Variants in SHISA9 observed in about 807,000 individuals in gnomAD.
SHISA9 encodes protein shisa-9.
Under a neutral mutation model 38.0 loss-of-function variants are expected in SHISA9, and 13 were observed. That is an observed-to-expected ratio of 0.34 (90% confidence interval 0.22 to 0.54). The LOEUF (loss-of-function observed/expected upper bound fraction) is 0.54. Ranked by LOEUF, SHISA9 falls within the 20% of genes least tolerant of loss-of-function variation. SHISA9 has a pLI of 0.91. For synonymous variants in SHISA9, 275 were observed against 242.0 expected, an observed-to-expected ratio of 1.14 and a Z score of -1.27; for missense variants, 538 against 575.8, an observed-to-expected ratio of 0.93 and a Z score of 0.67.
intron 2 of SHISA9, among the ~76,000 whole-genome samples, chr16:13,121,513 C>G (rs528481771): frequency 6.6e-6 from 1 of 152,130 alleles, no homozygotes; most frequent in African/African-American, 2.4e-5. Flanking sequence ...TTATTTGTCT[C>G]TGCATTCTGT....
the SHISA9 span, among the ~76,000 whole-genome samples, chr16:13,414,275 G>T: frequency 6.6e-6 from 1 of 152,176 alleles, no homozygotes; most frequent in South Asian, 2.1e-4. Flanking sequence ...GAAAAGTCCT[G>T]TTGTGAAAGC....
At chr16:13,031,922 C>T (rs1244820900) in intron 2 of SHISA9, among the ~76,000 whole-genome samples, 1 of 152,156 alleles carries the variant, frequency 6.6e-6, no homozygotes, top group African/African-American at 2.4e-5. Context: ...AAAATACACA[C>T]ACCTCAAACA....
intron 2 of SHISA9, among the ~76,000 whole-genome samples, chr16:13,197,351 A>G (rs899289385): frequency 1.3e-5 from 2 of 152,096 alleles, no homozygotes; most frequent in African/African-American, 2.4e-5. Context: ...AGTTTCTGAC[A>G]GTTAATATTT....
chr16:13,451,334 G>A, the SHISA9 span, among the ~76,000 whole-genome samples: 3 of 152,168 alleles, frequency 2.0e-5, no homozygotes, highest in Admixed American at 1.3e-4. Context: ...CTGACTCAGC[G>A]TCTGCTTTGG....
intron 2 of SHISA9, among the ~76,000 whole-genome samples, chr16:13,140,032 G>A (rs1378567173): frequency 2.7e-5 from 4 of 150,598 alleles, no homozygotes; most frequent in Non-Finnish European, 4.4e-5. Flanking sequence ...TGTTTTGCGA[G>A]TAGATAGTCC....
At chr16:13,359,624 T>G in the SHISA9 span, among the ~76,000 whole-genome samples, 1 of 152,356 alleles carries the variant, frequency 6.6e-6, no homozygotes, top group East Asian at 1.9e-4. Context: ...ATCACCATAC[T>G]TTTACCTCTC....
At chr16:12,906,072 C>A (rs544487642) in intron 1 of SHISA9, among the ~76,000 whole-genome samples, 189 of 152,274 alleles carry the variant, frequency 1.2e-3, no homozygotes, top group African/African-American at 4.3e-3. Flanking sequence ...AGGGTTGCTC[C>A]AGTGGGTGTC....
Position 13,236,196 on chromosome 16 carries a change from G to C in SHISA9, c.*787G>C. The C allele has an allele frequency of 6.6e-6, 1 of 152,118 alleles. No individual in the cohort carries two copies. The highest frequency in any genetic ancestry group is 1.5e-5 in the Non-Finnish European group (1 of 68,026). The allele number at this position is 152,118 out of a possible 1,614,324, so 9.4% of individuals were successfully genotyped here. On this transcript the variant is annotated 3_prime_UTR_variant, in exon 5 of 5. Transcript: ENST00000558583. ...AAGGACCATGACCGTGGAAATGGGA[G>C]GGATGGGCTTTTACGGAGAGGGTCC...
intron 2 of SHISA9, among the ~76,000 whole-genome samples, chr16:13,080,592 A>C (rs952276510): frequency 1.3e-5 from 2 of 152,172 alleles, no homozygotes; most frequent in Non-Finnish European, 2.9e-5. Context: ...CTAAAAGAAG[A>C]GCAGGATTGA....
chr16:13,532,690 A>AAGGAAGG, the SHISA9 span, among the ~76,000 whole-genome samples: 2 of 151,996 alleles, frequency 1.3e-5, no homozygotes, highest in Admixed American at 1.3e-4. Context: ...CTGCCTTCTG[A>AAGGAAGG]CAATTTCTTT....
At chr16:13,459,659 C>T in the SHISA9 span, among the ~76,000 whole-genome samples, 3 of 152,118 alleles carry the variant, frequency 2.0e-5, no homozygotes, top group Admixed American at 6.5e-5. Context: ...GGGAACTGTG[C>T]ATTTCTGTTC....
At chr16:13,333,586 C>A in the SHISA9 span, among the ~76,000 whole-genome samples, 2 of 152,148 alleles carry the variant, frequency 1.3e-5, no homozygotes, top group South Asian at 2.1e-4. Context: ...AGAGCCACAT[C>A]ATGTTTTCGA....
intron 2 of SHISA9, among the ~76,000 whole-genome samples, chr16:13,081,925 G>T (rs1288732649): frequency 6.6e-6 from 1 of 152,080 alleles, no homozygotes; most frequent in African/African-American, 2.4e-5. Context: ...GGTAGTGATG[G>T]TGGTGGTGTG....
the SHISA9 span, among the ~76,000 whole-genome samples, chr16:13,264,463 G>A: frequency 1.3e-5 from 2 of 152,190 alleles, no homozygotes; most frequent in Non-Finnish European, 1.5e-5. Context: ...TTGAGCCACC[G>A]TGCTGGCCTG....
the SHISA9 span, among the ~76,000 whole-genome samples, chr16:13,372,272 T>G: frequency 2.6e-5 from 4 of 152,166 alleles, no homozygotes; most frequent in African/African-American, 7.2e-5. Flanking sequence ...AAGTCCAACA[T>G]TTTCCATTCA....
At chr16:13,192,888 G>A (rs2050899788) in intron 2 of SHISA9, among the ~76,000 whole-genome samples, 1 of 151,246 alleles carries the variant, frequency 6.6e-6, no homozygotes, top group South Asian at 2.1e-4. Context: ...AAAAAGAGAA[G>A]AAGAAGAAAG....
At chr16:12,904,489 G>A (rs937674903) in intron 1 of SHISA9, among the ~76,000 whole-genome samples, 1 of 152,140 alleles carries the variant, frequency 6.6e-6, no homozygotes. Flanking sequence ...GGTTACCCAA[G>A]GGCCCAACTT....
chr16:13,251,480 A>G, the SHISA9 span, among the ~76,000 whole-genome samples: 1 of 152,104 alleles, frequency 6.6e-6, no homozygotes, highest in Non-Finnish European at 1.5e-5. Flanking sequence ...GGGTTAACAC[A>G]CCACGGCCCA....
chr16:13,533,984 C>G, the SHISA9 span, among the ~76,000 whole-genome samples: 1 of 152,008 alleles, frequency 6.6e-6, no homozygotes, highest in African/African-American at 2.4e-5. Context: ...AGGGTTTCAC[C>G]GTGTTAGCCA....
Sources: allele counts gnomAD v4.1 joint callset (sites outside exome capture counted in the v4.1 genomes callset), GRCh38; gene constraint gnomAD v4.1.1; transcripts MANE v1.5; gene names NCBI Gene and HGNC (gene_info 2026-07-23, HGNC 2026-07-21).